Variants in NOS1 observed in about 807,000 individuals in gnomAD.
NOS1 encodes the protein NOS type I.
Under a neutral mutation model 164.5 loss-of-function variants are expected in NOS1, and 51 were observed. The observed-to-expected ratio is 0.31, with a 90% CI of 0.25 to 0.39. The LOEUF (loss-of-function observed/expected upper bound fraction) is 0.39. NOS1 is among the 10% of genes least tolerant of loss of function. NOS1 has a pLI of 1.00. For missense variants in NOS1, 1,362 were observed against 1,885.6 expected (o/e 0.72, Z 5.14); for synonymous variants, 719 against 745.8 (o/e 0.96, Z 0.59).
At position 117,227,450 on chromosome 12, in the gene NOS1, G is replaced by A. The variant is rs1382474150; in HGVS notation, c.3597C>T (p.Ile1199=). The A allele has an allele frequency of 1.2e-6, 2 of 1,613,860 alleles. No individual in the cohort carries two copies. The highest frequency in any genetic ancestry group is 8.5e-7 in the Non-Finnish European group (1 of 1,179,952). The change falls in exon 23 of 29, where the codon ATC becomes ATT. Residue 1199 remains isoleucine, a synonymous_variant. Coordinates refer to ENST00000317775, the MANE Select transcript of NOS1 (RefSeq NM_000620.5). ...YPDEVHLTVA[I]VSYRTRDGEG... ...GCCCACCTCGAGTGCGGTAGGAAAC[G>A]ATGGCCACAGTGAGGTGCACTTCAT...
chr12:117,276,393 C>A lies in NOS1; in HGVS notation c.1664+1566G>T, dbSNP rs534394019. 1.9e-3 allele frequency among the ~76,000 whole-genome samples: 288 copies of A among 152,326 alleles called. 2 individuals carry two copies. The highest frequency in any genetic ancestry group is 2.9e-3 in the Non-Finnish European group (196 of 68,044). ...TGCTTCCCAGGTTCAGGTGATTCTC[C>A]TGCCTCAGCATCCCAAGTAGCTGGG... On this transcript the variant is annotated intron_variant, in intron 9 of 28. Transcript: ENST00000317775.
intron 1 of NOS1, among the ~76,000 whole-genome samples, chr12:117,336,732 C>T (rs1284024614): frequency 6.6e-6 from 1 of 152,146 alleles, no homozygotes; most frequent in Non-Finnish European, 1.5e-5. Flanking sequence ...TGAAATTATG[C>T]TGTTATGGAT....
In NOS1 at chr12:117,214,730, G is replaced by C; in HGVS notation, c.*579C>G. 1.0e-6 allele frequency: 1 copy of C among 985,292 alleles called. No homozygotes were observed. Among genetic ancestry groups the C allele is most frequent in the Non-Finnish European group, 1.2e-6 (1 of 829,952 alleles). 61.0% of individuals were successfully genotyped at this position (985,292 alleles called of 1,614,324 possible). ...ATGGACACACGAGGGATTAATATGGGCCAGGGACACGTTTCTTGGCATTGA... is the reference window on the plus strand; with the variant it reads ...ATGGACACACGAGGGATTAATATGGCCCAGGGACACGTTTCTTGGCATTGA... On this transcript the variant is annotated 3_prime_UTR_variant, in exon 29 of 29. Coordinates refer to ENST00000317775, the MANE Select transcript of NOS1 (RefSeq NM_000620.5).
chr12:117,325,621 G>A (rs114276809), intron 2 of NOS1, among the ~76,000 whole-genome samples: 302 of 152,256 alleles, frequency 2.0e-3, no homozygotes, highest in African/African-American at 7.0e-3. Context: ...GTATAAACAC[G>A]GCTTTAAAAC....
intron 9 of NOS1, among the ~76,000 whole-genome samples, chr12:117,276,534 C>T (rs529547149): frequency 2.0e-5 from 3 of 152,320 alleles, no homozygotes; most frequent in Admixed American, 6.5e-5. Flanking sequence ...CCTTCTGCTT[C>T]GGCCTCCCAA....
intron 9 of NOS1, among the ~76,000 whole-genome samples, chr12:117,276,744 TCTGA>T (rs556559341): frequency 1.3e-5 from 2 of 152,196 alleles, no homozygotes; most frequent in Non-Finnish European, 2.9e-5. Flanking sequence ...TTTGTCTTTC[TCTGA>T]CTGCCTTATT....
At chr12:117,252,151 G>A (rs1871150032) in intron 17 of NOS1, among the ~76,000 whole-genome samples, 1 of 152,118 alleles carries the variant, frequency 6.6e-6, no homozygotes, top group African/African-American at 2.4e-5. Context: ...ACAAATTCCT[G>A]AACATTCTCA....
intron 11 of NOS1, among the ~76,000 whole-genome samples, chr12:117,267,148 C>T (rs1366797104): frequency 6.6e-6 from 1 of 152,154 alleles, no homozygotes; most frequent in East Asian, 1.9e-4. Flanking sequence ...GGTCTAGCTG[C>T]CTAGACTGGA....
At chr12:117,308,938 G>A (rs952244137) in intron 3 of NOS1, among the ~76,000 whole-genome samples, 1 of 152,108 alleles carries the variant, frequency 6.6e-6, no homozygotes, top group African/African-American at 2.4e-5. Flanking sequence ...ATATATTTAT[G>A]TAAAAATTTG....
intron 21 of NOS1, among the ~76,000 whole-genome samples, chr12:117,232,987 G>A (rs947775123): frequency 4.0e-5 from 6 of 148,796 alleles, no homozygotes; most frequent in African/African-American, 1.5e-4. Context: ...CCCACCTCAT[G>A]CTCCTGAGTA....
intron 14 of NOS1, 44 bp downstream of exon 14, chr12:117,260,421 T>C (rs1457950863): frequency 1.9e-6 from 3 of 1,603,756 alleles, no homozygotes; most frequent in African/African-American, 2.7e-5. Context: ...CCTGCCTTAA[T>C]TCACCATGAG....
chr12:117,265,266 C>T (rs778763289), intron 12 of NOS1, 50 bp downstream of exon 12: 75 of 1,458,138 alleles, frequency 5.1e-5, no homozygotes, highest in Non-Finnish European at 5.9e-5. Context: ...GTGACACACA[C>T]ACCAGATACA....
intron 3 of NOS1, among the ~76,000 whole-genome samples, chr12:117,307,149 C>T (rs1396379472): frequency 2.0e-5 from 3 of 152,118 alleles, no homozygotes; most frequent in African/African-American, 2.4e-5. Flanking sequence ...GTCTTTCTTG[C>T]GGAGTCAAGG....
At chr12:117,335,729 T>TGAGAGAGAGAGAGAGAGA (rs60613906) in intron 1 of NOS1, among the ~76,000 whole-genome samples, 2,591 of 112,346 alleles carry the variant, frequency 0.023, 253 homozygotes, top group African/African-American at 0.032. Context: ...ACAGACTATA[T>TGAGAGAGAGAGAGAGAGA]GAGAGAGAGA....
intron 17 of NOS1, among the ~76,000 whole-genome samples, chr12:117,251,653 A>C (rs1871110777): frequency 6.7e-6 from 1 of 149,180 alleles, no homozygotes; most frequent in Admixed American, 6.7e-5. Context: ...CTGGTCTTAA[A>C]CTCCAGGGCT....
chr12:117,359,956 T>G (rs571601158), intron 1 of NOS1, among the ~76,000 whole-genome samples: 1 of 119,388 alleles, frequency 8.4e-6, no homozygotes, highest in Non-Finnish European at 1.7e-5. Flanking sequence ...TCCTGCGTTA[T>G]GAACGCTTAC....
chr12:117,317,365 G>T (rs967943451), intron 2 of NOS1, among the ~76,000 whole-genome samples: 3 of 150,628 alleles, frequency 2.0e-5, no homozygotes, highest in Admixed American at 1.3e-4. Context: ...CCCCACTACT[G>T]GTATTTTGGG....
chr12:117,233,034 C>CTTTTT (rs34474757), intron 21 of NOS1, among the ~76,000 whole-genome samples: 1,045 of 88,308 alleles, frequency 0.012, 68 homozygotes, highest in Admixed American at 0.078. Flanking sequence ...TGCCTCACTA[C>CTTTTT]TTTTTTTTTT....
intron 1 of NOS1, among the ~76,000 whole-genome samples, chr12:117,335,128 A>T (rs1875743435): frequency 6.6e-6 from 1 of 152,190 alleles, no homozygotes; most frequent in Non-Finnish European, 1.5e-5. Context: ...GTGGCTTCCT[A>T]TTATTGTTAT....
Sources: allele counts gnomAD v4.1 joint callset (sites outside exome capture counted in the v4.1 genomes callset), GRCh38; gene constraint gnomAD v4.1.1; transcripts MANE v1.5; gene names NCBI Gene and HGNC (gene_info 2026-07-23, HGNC 2026-07-21).